ZCCHC7: variants seen among roughly 807,000 people sequenced by gnomAD.
ZCCHC7 encodes zinc finger CCHC domain-containing protein 7.
Under a neutral mutation model 52.0 loss-of-function variants are expected in ZCCHC7, and 35 were observed. The ratio of observed to expected loss-of-function variants is 0.67; its 90% CI spans 0.51 to 0.89. The LOEUF is 0.89. Ranked by LOEUF, ZCCHC7 falls within the 40% of genes least tolerant of loss-of-function variation. The pLI, the probability that ZCCHC7 is intolerant of heterozygous loss-of-function variation, is 0.00. For missense variants in ZCCHC7, 574 were observed against 649.1 expected (o/e 0.88, Z 1.26); for synonymous variants, 217 against 221.5 (o/e 0.98, Z 0.18).
chr9:37,192,746 A>G (rs1168014721), intron 2 of ZCCHC7, among the ~76,000 whole-genome samples: 1 of 152,216 alleles, frequency 6.6e-6, no homozygotes, highest in Non-Finnish European at 1.5e-5. Flanking sequence ...CTATTAGTCG[A>G]TAGATGTCAT....
chr9:37,232,941 G>A (rs578073749), intron 2 of ZCCHC7, among the ~76,000 whole-genome samples: 40 of 152,234 alleles, frequency 2.6e-4, no homozygotes, highest in Non-Finnish European at 5.3e-4. Flanking sequence ...TTGTGTCTTC[G>A]TGTTTTATAT....
At chr9:37,156,065 T>C (rs1037485842) in intron 2 of ZCCHC7, among the ~76,000 whole-genome samples, 30 of 152,206 alleles carry the variant, frequency 2.0e-4, no homozygotes, top group African/African-American at 7.2e-4. Flanking sequence ...GTGTTAGCTG[T>C]TATTTTTTAT....
intron 2 of ZCCHC7, chr9:37,160,358 TA>T: frequency 6.6e-6 from 1 of 152,020 alleles, no homozygotes; most frequent in Non-Finnish European, 1.5e-5. Context: ...AAAAATAAAA[TA>T]AAAAAATTAG....
chr9:37,354,911 A>T lies in ZCCHC7; in HGVS notation c.1198+87A>T. The T allele has an allele frequency of 1.3e-6, 1 of 778,624 alleles. No individual in the cohort carries two copies. The highest frequency in any genetic ancestry group is 2.0e-6 in the Non-Finnish European group (1 of 491,244). The allele number at this position is 778,624 out of a possible 1,614,324, so 48.2% of individuals were successfully genotyped here. ...ACTGTCTTTGCCTGCTTTGGGGGTC[A>T]TTGGTTAGCATAGAAAGTATTTTTA... On this transcript the variant is annotated intron_variant, in intron 8 of 8. Coordinates refer to ENST00000336755, the MANE Select transcript of ZCCHC7 (RefSeq NM_032226.3). This position sits in a 1 kb window ranked among gnomAD's most constrained non-coding sequence, Gnocchi z 4.0.
intron 5 of ZCCHC7, among the ~76,000 whole-genome samples, chr9:37,307,808 C>T (rs773004784): frequency 8.6e-5 from 13 of 152,030 alleles, no homozygotes; most frequent in East Asian, 1.9e-4. Flanking sequence ...TATTGTAATT[C>T]CACCAGCAAA....
chr9:37,297,322 AC>A (rs779707110), intron 2 of ZCCHC7, among the ~76,000 whole-genome samples: 3 of 152,202 alleles, frequency 2.0e-5, no homozygotes, highest in Non-Finnish European at 4.4e-5. Flanking sequence ...GAGGGCAAGC[AC>A]CATGTCTAAG....
chr9:37,280,428 A>T (rs1442047206), intron 2 of ZCCHC7, among the ~76,000 whole-genome samples: 1 of 152,228 alleles, frequency 6.6e-6, no homozygotes, highest in African/African-American at 2.4e-5. Context: ...TCCAATAATT[A>T]TAGAATATGC....
At chr9:37,165,660 A>AT (rs1350782297) in intron 2 of ZCCHC7, among the ~76,000 whole-genome samples, 3 of 152,138 alleles carry the variant, frequency 2.0e-5, no homozygotes, top group African/African-American at 7.2e-5. Context: ...ATGCAATATT[A>AT]TTTTTTTAAC....
intron 2 of ZCCHC7, among the ~76,000 whole-genome samples, chr9:37,142,450 T>A (rs936134523): frequency 2.6e-5 from 4 of 151,750 alleles, no homozygotes; most frequent in African/African-American, 9.7e-5. Flanking sequence ...TGAAACTGAT[T>A]TATAGAATTT....
chr9:37,215,686 T>G (rs932565325), intron 2 of ZCCHC7, among the ~76,000 whole-genome samples: 3 of 152,234 alleles, frequency 2.0e-5, no homozygotes, highest in African/African-American at 7.2e-5. Context: ...ATGTCTTGCT[T>G]CTTTATTTCT....
intron 2 of ZCCHC7, chr9:37,284,152 C>T (rs1366818150): frequency 6.6e-6 from 1 of 151,860 alleles, no homozygotes; most frequent in African/African-American, 2.4e-5. Flanking sequence ...TCCTGTGGTC[C>T]CCATACTTGT....
intron 2 of ZCCHC7, among the ~76,000 whole-genome samples, chr9:37,276,821 T>C (rs776317074): frequency 2.0e-5 from 3 of 152,206 alleles, no homozygotes; most frequent in African/African-American, 4.8e-5. Context: ...ATAATAAAAC[T>C]CATGACTGGA....
intron 1 of ZCCHC7, among the ~76,000 whole-genome samples, chr9:37,123,224 T>TGTGTGTGC (rs1180731163): frequency 2.9e-4 from 36 of 124,838 alleles, no homozygotes; most frequent in African/African-American, 9.5e-4. Flanking sequence ...TGTGTGTGTG[T>TGTGTGTGC]GCGTGTGCGT....
At chr9:37,285,294 T>G (rs1489083345) in intron 2 of ZCCHC7, among the ~76,000 whole-genome samples, 2 of 152,192 alleles carry the variant, frequency 1.3e-5, no homozygotes, top group Non-Finnish European at 2.9e-5. Context: ...TAATACATAA[T>G]TACTCAATAT....
chr9:37,320,747 A>G (rs1467094998), intron 5 of ZCCHC7, among the ~76,000 whole-genome samples: 1 of 152,210 alleles, frequency 6.6e-6, no homozygotes, highest in Non-Finnish European at 1.5e-5. Flanking sequence ...AAGGATGATT[A>G]TTTGTGTATC....
chr9:37,281,964 C>G (rs1827977386), intron 2 of ZCCHC7, among the ~76,000 whole-genome samples: 1 of 152,140 alleles, frequency 6.6e-6, no homozygotes, highest in Non-Finnish European at 1.5e-5. Context: ...TATTCCTGCT[C>G]CCACGTATGG....
chr9:37,291,853 C>A (rs1326690507), intron 2 of ZCCHC7, among the ~76,000 whole-genome samples: 3 of 151,996 alleles, frequency 2.0e-5, no homozygotes, highest in Admixed American at 2.0e-4. Context: ...GCCACCATAC[C>A]CGGCTAATTT....
intron 2 of ZCCHC7, among the ~76,000 whole-genome samples, chr9:37,135,016 C>T (rs1324652413): frequency 6.6e-6 from 1 of 152,160 alleles, no homozygotes; most frequent in African/African-American, 2.4e-5. Flanking sequence ...CATGAGCCAC[C>T]ACACCCGGCC....
chr9:37,132,320 C>T (rs1254989397), intron 2 of ZCCHC7, among the ~76,000 whole-genome samples: 1 of 152,158 alleles, frequency 6.6e-6, no homozygotes, highest in Non-Finnish European at 1.5e-5. Flanking sequence ...ATTACTAGTT[C>T]TAGGAGTAAC....
Sources: gnomAD v4.1 joint callset for allele counts (sites outside exome capture counted in the v4.1 genomes callset) on GRCh38, gnomAD v4.1.1 for gene constraint, Gnocchi (gnomAD v3.1) non-coding constraint, MANE v1.5 for transcripts, NCBI Gene and HGNC (gene_info 2026-07-23, HGNC 2026-07-21) for gene names.